IGF1R: variants seen among roughly 807,000 people sequenced by gnomAD.
IGF1R encodes insulin-like growth factor 1 receptor.
A neutral mutation model predicts 144.6 loss-of-function variants in IGF1R; 44 were observed. The ratio of observed to expected loss-of-function variants is 0.30; its 90% CI spans 0.24 to 0.39. The LOEUF is 0.39. Among genes scored for constraint, IGF1R ranks in the 10% least tolerant of loss-of-function variants. The pLI is 1.00. For missense variants in IGF1R, 1,355 were observed against 1,833.7 expected (o/e 0.74, Z 4.77); for synonymous variants, 795 against 722.8 (o/e 1.10, Z -1.60).
intron 2 of IGF1R, among the ~76,000 whole-genome samples, chr15:98,869,186 A>G (rs1349486331): frequency 1.3e-5 from 2 of 152,194 alleles, no homozygotes; most frequent in Admixed American, 1.3e-4. Context: ...GTTGAAACAT[A>G]GGAAAGTACT....
chr15:98,844,560 G>A (rs2011243110), intron 2 of IGF1R, among the ~76,000 whole-genome samples: 1 of 152,044 alleles, frequency 6.6e-6, no homozygotes, highest in South Asian at 2.1e-4. Flanking sequence ...TTAGGCTTGT[G>A]TAAATGTAAC....
chr15:98,960,621 G>A lies in IGF1R; in HGVS notation c.*3179G>A, dbSNP rs911189508. On this transcript the variant is annotated 3_prime_UTR_variant, in exon 21 of 21. Transcript: ENST00000650285. ...TGCTCCATCCCTGCAGGAGGCTCGC[G>A]CTGAGGCAGGACCGTGCGGCCATGG... 5 of 233,428 alleles carry A rather than the reference G, an allele frequency of 2.1e-5. No homozygotes were observed. Among genetic ancestry groups the A allele is most frequent in the East Asian group, 1.8e-4 (3 of 16,600 alleles). 14.5% of individuals were successfully genotyped at this position (233,428 alleles called of 1,614,324 possible).
At chr15:98,734,036 C>G (rs2054556910) in intron 2 of IGF1R, among the ~76,000 whole-genome samples, 2 of 152,162 alleles carry the variant, frequency 1.3e-5, no homozygotes, top group Admixed American at 1.3e-4. Context: ...TCGTAGGACC[C>G]TCAGATGCTG....
chr15:98,933,411 T>C (rs1457008736), intron 15 of IGF1R, among the ~76,000 whole-genome samples: 1 of 152,056 alleles, frequency 6.6e-6, no homozygotes, highest in Admixed American at 6.6e-5. Flanking sequence ...TGGTGCAGTC[T>C]CAGCTCCCAG....
intron 2 of IGF1R, among the ~76,000 whole-genome samples, chr15:98,842,941 A>G (rs575242541): frequency 3.0e-4 from 46 of 152,320 alleles, no homozygotes; most frequent in African/African-American, 1.0e-3. Flanking sequence ...CACTCATTTG[A>G]ATTTTTGCTG....
chr15:98,853,322 A>T (rs2011619145), intron 2 of IGF1R, among the ~76,000 whole-genome samples: 1 of 152,146 alleles, frequency 6.6e-6, no homozygotes, highest in Admixed American at 6.5e-5. Context: ...TCAGTGTGAT[A>T]GGGGCGTAGT....
chr15:98,951,439 C>G lies in IGF1R; in HGVS notation c.3722+2731C>G, dbSNP rs376721461. Among the ~76,000 whole-genome samples, 18 of 152,380 alleles carry G rather than the reference C, an allele frequency of 1.2e-4. No individual in the cohort carries two copies. The East Asian group carries it at 1.5e-3, about 13-fold the overall frequency. On this transcript the variant is annotated intron_variant, in intron 20 of 20. Transcript: ENST00000650285. ...CCAGTATAGAAATTCTTCTTCTCCC[C>G]TTCTGTGTTAGTTTTTTATCGCAGT...
At chr15:98,778,261 C>CT (rs1248433303) in intron 2 of IGF1R, among the ~76,000 whole-genome samples, 1 of 152,184 alleles carries the variant, frequency 6.6e-6, no homozygotes, top group Non-Finnish European at 1.5e-5. Flanking sequence ...CGTAGGAAAA[C>CT]TGAGAAGCTT....
chr15:98,957,396 G>A lies in IGF1R; in HGVS notation c.4058G>A (p.Arg1353His), dbSNP rs149470389. The stretch of plus-strand genomic sequence containing the variant: ...CCTTACGCCCACATGAACGGGGGCC[G>A]CAAGAACGAGCGGGCCTTGCCGCTG... ...RQPYAHMNGGRKNERALPLPQ... is the reference protein window; with the variant it reads ...RQPYAHMNGGHKNERALPLPQ... Residue 1353 changes from arginine (R) to histidine (H), a missense_variant, in exon 21 of 21, where the codon CGC (arginine) becomes CAC (histidine). Arg to His is a conservative substitution (Grantham distance 29). Coordinates refer to ENST00000650285, the MANE Select transcript of IGF1R (RefSeq NM_000875.5). 5.5e-4 allele frequency: 885 copies of A among 1,613,286 alleles called. No individual in the cohort carries two copies. The highest frequency in any genetic ancestry group is 7.3e-4 in the Non-Finnish European group (860 of 1,180,018).
chr15:98,764,382 G>A (rs182396611), intron 2 of IGF1R, among the ~76,000 whole-genome samples: 12 of 152,124 alleles, frequency 7.9e-5, no homozygotes, highest in African/African-American at 2.9e-4. Flanking sequence ...CAAGAAAGAG[G>A]GGAACTTTTA....
chr15:98,829,951 G>T (rs1281490794), intron 2 of IGF1R, among the ~76,000 whole-genome samples: 1 of 152,174 alleles, frequency 6.6e-6, no homozygotes, highest in Admixed American at 6.5e-5. Flanking sequence ...TTAGGGGGCA[G>T]TTCCATATAG....
intron 2 of IGF1R, among the ~76,000 whole-genome samples, chr15:98,888,162 C>T (rs1051662753): frequency 6.6e-6 from 1 of 152,230 alleles, no homozygotes; most frequent in Non-Finnish European, 1.5e-5. Context: ...CACTCACTCC[C>T]GTACTTGCTG....
At chr15:98,832,311 C>T (rs1259071199) in intron 2 of IGF1R, among the ~76,000 whole-genome samples, 4 of 152,176 alleles carry the variant, frequency 2.6e-5, no homozygotes, top group African/African-American at 9.7e-5. Context: ...CCCAGCTACA[C>T]TCTTGGGTGC....
At chr15:98,762,544 A>G (rs560033304) in intron 2 of IGF1R, among the ~76,000 whole-genome samples, 49 of 152,332 alleles carry the variant, frequency 3.2e-4, no homozygotes, top group African/African-American at 1.2e-3. Context: ...CCTGGCCAAC[A>G]TGGTGAAACC....
chr15:98,799,680 G>T (rs918686521), intron 2 of IGF1R, among the ~76,000 whole-genome samples: 4 of 152,180 alleles, frequency 2.6e-5, no homozygotes, highest in Non-Finnish European at 5.9e-5. Context: ...TTACTTAGCG[G>T]AGGGGAGTGC....
chr15:98,816,048 A>G (rs956074757), intron 2 of IGF1R, among the ~76,000 whole-genome samples: 2 of 152,178 alleles, frequency 1.3e-5, no homozygotes, highest in Non-Finnish European at 2.9e-5. Flanking sequence ...CTTTGACACC[A>G]GCCATTTTGT....
intron 2 of IGF1R, among the ~76,000 whole-genome samples, chr15:98,856,935 T>C (rs2011852489): frequency 6.6e-6 from 1 of 152,226 alleles, no homozygotes; most frequent in Non-Finnish European, 1.5e-5. Context: ...AATGTTGACT[T>C]AGGGAGGTCT....
chr15:98,905,917 C>T (rs575680204), intron 5 of IGF1R, among the ~76,000 whole-genome samples: 11 of 152,150 alleles, frequency 7.2e-5, no homozygotes, highest in African/African-American at 2.2e-4. Context: ...AGCTGTGGCT[C>T]GAAAAACAAG....
At chr15:98,879,509 A>T (rs1300156670) in intron 2 of IGF1R, among the ~76,000 whole-genome samples, 2 of 152,172 alleles carry the variant, frequency 1.3e-5, no homozygotes, top group Non-Finnish European at 2.9e-5. Flanking sequence ...AGCAGAGGGG[A>T]GGCACACGGG....
Sources: allele counts gnomAD v4.1 joint callset (sites outside exome capture counted in the v4.1 genomes callset), GRCh38; gene constraint gnomAD v4.1.1; transcripts MANE v1.5; gene names NCBI Gene and HGNC (gene_info 2026-07-23, HGNC 2026-07-21).